The following GRIN2B variants were observed in gnomAD, a reference collection of about 807,000 sequenced individuals.
GRIN2B encodes the protein glutamate receptor ionotropic, NMDA 2B.
In GRIN2B, 5 loss-of-function variants were observed where a neutral mutation model predicts 114.5. The ratio of observed to expected loss-of-function variants is 0.04; its 90% CI spans 0.02 to 0.09. The LOEUF (loss-of-function observed/expected upper bound fraction) is 0.09. Ranked by LOEUF, GRIN2B falls within the 10% of genes least tolerant of loss-of-function variation. The pLI, the probability that GRIN2B is intolerant of heterozygous loss-of-function variation, is 1.00. For synonymous variants in GRIN2B, 787 were observed against 745.1 expected (o/e 1.06, Z -0.92); for missense variants, 1,108 against 1,943.5 (o/e 0.57, Z 8.08).
At chr12:13,707,259 C>A (rs1423224432) in intron 4 of GRIN2B, among the ~76,000 whole-genome samples, 1 of 152,086 alleles carries the variant, frequency 6.6e-6, no homozygotes, top group Non-Finnish European at 1.5e-5. Flanking sequence ...ACACCAGCAT[C>A]AGGTTGCATC....
chr12:13,807,867 A>C (rs555326608), intron 3 of GRIN2B, among the ~76,000 whole-genome samples: 2 of 152,114 alleles, frequency 1.3e-5, no homozygotes, highest in East Asian at 3.9e-4. Context: ...AGGAACCTTA[A>C]CCAACCCACC....
chr12:13,646,376 G>A (rs753480460), intron 5 of GRIN2B, among the ~76,000 whole-genome samples: 55 of 152,062 alleles, frequency 3.6e-4, no homozygotes, highest in Non-Finnish European at 5.7e-4. Context: ...TTCCTTTTAT[G>A]TTTTACATAC....
chr12:13,785,223 A>T (rs1465916671), intron 3 of GRIN2B, among the ~76,000 whole-genome samples: 41 of 152,162 alleles, frequency 2.7e-4, no homozygotes, highest in Admixed American at 2.7e-3. Context: ...TAATTTTTCC[A>T]TTAAAATCAG....
chr12:13,780,698 G>A, intron 3 of GRIN2B, among the ~76,000 whole-genome samples: 1 of 152,100 alleles, frequency 6.6e-6, no homozygotes, highest in South Asian at 2.1e-4. Context: ...TTACAAAGAT[G>A]AAAGTCAAAT....
chr12:13,563,630 T>A lies in GRIN2B; in HGVS notation c.3608A>T (p.Asn1203Ile). 1 of 1,613,890 alleles carries A rather than the reference T, an allele frequency of 6.2e-7. No homozygotes were observed. Among genetic ancestry groups the A allele is most frequent in the African/African-American group, 1.3e-5 (1 of 75,022 alleles). The change falls in exon 14 of 14, where the codon AAC becomes ATC. Residue 1203 changes from asparagine (N) to isoleucine (I), a missense_variant. Physicochemically the swap from Asn to Ile is moderately radical, Grantham distance 149. Transcript: ENST00000609686. ...VPAPWEKNLT[N>I]VEWEDRSGGN... ...CCCGGACCGGTCCTCCCACTCCACG[T>A]TGGTCAGGTTCTTCTCCCAAGGTGC...
At chr12:13,849,537 A>C (rs1177311058) in intron 3 of GRIN2B, among the ~76,000 whole-genome samples, 1 of 151,554 alleles carries the variant, frequency 6.6e-6, no homozygotes, top group Non-Finnish European at 1.5e-5. Context: ...AGAACAGAAG[A>C]CTCTCTATGA....
At chr12:13,977,687 AC>A (rs1379108912) in intron 2 of GRIN2B, among the ~76,000 whole-genome samples, 1 of 152,124 alleles carries the variant, frequency 6.6e-6, no homozygotes, top group African/African-American at 2.4e-5. Flanking sequence ...GGGGGCGAGA[AC>A]AAAGGCCCTG....
chr12:13,692,501 T>A (rs1287892084), intron 4 of GRIN2B, among the ~76,000 whole-genome samples: 1 of 152,198 alleles, frequency 6.6e-6, no homozygotes, highest in African/African-American at 2.4e-5. Context: ...TTTCCCCACA[T>A]CTGTGTGGGT....
intron 8 of GRIN2B, among the ~76,000 whole-genome samples, chr12:13,614,352 T>C (rs965746873): frequency 1.3e-5 from 2 of 152,236 alleles, no homozygotes; most frequent in Non-Finnish European, 2.9e-5. Flanking sequence ...AGCTTGTTTA[T>C]GCCAAACCCA....
At chr12:13,660,087 T>C (rs894009690) in intron 5 of GRIN2B, among the ~76,000 whole-genome samples, 3 of 152,114 alleles carry the variant, frequency 2.0e-5, no homozygotes, top group Non-Finnish European at 4.4e-5. Context: ...TGGCTTCCCT[T>C]AGAGCAAGGG....
At chr12:13,806,625 A>C (rs571635056) in intron 3 of GRIN2B, among the ~76,000 whole-genome samples, 2 of 152,110 alleles carry the variant, frequency 1.3e-5, no homozygotes, top group South Asian at 4.1e-4. Context: ...ATTAACCTTT[A>C]TTAGATGTAT....
At chr12:13,739,109 G>C (rs1863232481) in intron 4 of GRIN2B, among the ~76,000 whole-genome samples, 1 of 152,024 alleles carries the variant, frequency 6.6e-6, no homozygotes, top group Non-Finnish European at 1.5e-5. Context: ...GGCTAGGTGT[G>C]GTGGCTCACG....
chr12:13,938,773 G>A (rs550799416), intron 2 of GRIN2B, among the ~76,000 whole-genome samples: 15 of 152,146 alleles, frequency 9.9e-5, no homozygotes, highest in Admixed American at 2.0e-4. Context: ...AACTTCCTTC[G>A]ATGATGGAAA....
intron 11 of GRIN2B, among the ~76,000 whole-genome samples, chr12:13,570,501 T>C (rs556301977): frequency 3.3e-5 from 5 of 152,276 alleles, no homozygotes; most frequent in African/African-American, 4.8e-5. Flanking sequence ...CAGTATTCTG[T>C]TGTGCAACAC....
chr12:13,768,684 G>A (rs906327036), intron 3 of GRIN2B, among the ~76,000 whole-genome samples: 2 of 152,100 alleles, frequency 1.3e-5, no homozygotes, highest in African/African-American at 4.8e-5. Context: ...TATTTTGTTG[G>A]TTGTTGTGCA....
chr12:13,842,391 G>A (rs747718538), intron 3 of GRIN2B, among the ~76,000 whole-genome samples: 1 of 152,064 alleles, frequency 6.6e-6, no homozygotes, highest in African/African-American at 2.4e-5. Context: ...TACCACACCC[G>A]GCTTTTGTAG....
intron 11 of GRIN2B, among the ~76,000 whole-genome samples, chr12:13,571,327 C>T (rs543450734): frequency 3.3e-5 from 5 of 152,252 alleles, no homozygotes; most frequent in Non-Finnish European, 7.4e-5. Flanking sequence ...CAAACACTCC[C>T]TAGAGGACAG....
At chr12:13,928,657 A>G (rs1162437389) in intron 2 of GRIN2B, among the ~76,000 whole-genome samples, 1 of 152,246 alleles carries the variant, frequency 6.6e-6, no homozygotes, top group Non-Finnish European at 1.5e-5. Context: ...GAAGTGATAG[A>G]AACAGTTTTG....
intron 10 of GRIN2B, among the ~76,000 whole-genome samples, chr12:13,607,363 T>C (rs868491027): frequency 1.2e-4 from 5 of 43,432 alleles, no homozygotes; most frequent in African/African-American, 4.9e-4. Context: ...ATATATAATA[T>C]ATATTATATA....
Sources: gnomAD v4.1 joint callset for allele counts (sites outside exome capture counted in the v4.1 genomes callset) on GRCh38, gnomAD v4.1.1 for gene constraint, MANE v1.5 for transcripts, NCBI Gene and HGNC (gene_info 2026-07-23, HGNC 2026-07-21) for gene names.